Variants in MINDY3 observed in about 807,000 individuals in gnomAD.
MINDY3 encodes MINDY lysine 48 deubiquitinase 3.
A neutral mutation model predicts 69.2 loss-of-function variants in MINDY3; 38 were observed. The ratio of observed to expected loss-of-function variants is 0.55; its 90% confidence interval spans 0.42 to 0.72. MINDY3 has a LOEUF of 0.72. Ranked by LOEUF, MINDY3 falls within the 30% of genes least tolerant of loss-of-function variation. MINDY3 has a pLI of 0.00. For synonymous variants in MINDY3, 192 were observed against 180.1 expected, an observed-to-expected ratio of 1.07 and a Z score of -0.53; for missense variants, 522 against 519.0, an observed-to-expected ratio of 1.01 and a Z score of -0.06.
intron 1 of MINDY3, among the ~76,000 whole-genome samples, chr10:15,848,430 C>T (rs1486706291): frequency 4.0e-5 from 6 of 151,796 alleles, no homozygotes; most frequent in South Asian, 2.1e-4. Context: ...GTCAGGAGAT[C>T]GAGACCATCC....
At chr10:15,812,405 A>G (rs139670458) in intron 10 of MINDY3, among the ~76,000 whole-genome samples, 85 of 152,298 alleles carry the variant, frequency 5.6e-4, no homozygotes, top group African/African-American at 1.9e-3. Context: ...GTTAAATTCA[A>G]TACAGCTTCT....
intron 3 of MINDY3, 55 bp from the exon 4 acceptor site, chr10:15,841,654 C>A: frequency 8.4e-7 from 1 of 1,192,546 alleles, no homozygotes; most frequent in Non-Finnish European, 1.2e-6. Flanking sequence ...AAAAAAAATT[C>A]TGTCATGAAT....
At chr10:15,811,500 T>C (rs566260627) in intron 10 of MINDY3, among the ~76,000 whole-genome samples, 8 of 152,166 alleles carry the variant, frequency 5.3e-5, no homozygotes, top group Non-Finnish European at 7.4e-5. Context: ...GGAAGTGATA[T>C]TCACTTCTAA....
chr10:15,857,364 C>G (rs1191681589), intron 1 of MINDY3, among the ~76,000 whole-genome samples: 1 of 152,114 alleles, frequency 6.6e-6, no homozygotes, highest in African/African-American at 2.4e-5. Flanking sequence ...TCTGTATTTC[C>G]TCATCTTCAA....
chr10:15,847,487 G>A (rs1310145143), intron 2 of MINDY3, among the ~76,000 whole-genome samples: 1 of 152,046 alleles, frequency 6.6e-6, no homozygotes, highest in Non-Finnish European at 1.5e-5. Context: ...TCAGCTTTAG[G>A]AAAGTAACTT....
intron 10 of MINDY3, among the ~76,000 whole-genome samples, chr10:15,797,857 ATT>A (rs1837952854): frequency 1.3e-5 from 2 of 152,118 alleles, no homozygotes; most frequent in South Asian, 4.1e-4. Context: ...TTAGTTGCAG[ATT>A]TCTACATTTA....
chr10:15,779,242 T>C, intron 14 of MINDY3, 101 bp from the exon 15 acceptor site: 1 of 917,884 alleles, frequency 1.1e-6, no homozygotes, highest in East Asian at 2.8e-5. Context: ...AGGTATTACA[T>C]AGTTTCAGAT....
intron 1 of MINDY3, among the ~76,000 whole-genome samples, chr10:15,853,054 A>C (rs1834417919): frequency 6.6e-6 from 1 of 152,118 alleles, no homozygotes; most frequent in South Asian, 2.1e-4. Flanking sequence ...TGGTATCTGC[A>C]GGGGGATCCT....
At chr10:15,816,280 ATGAAAAAG>A (rs376850280) in intron 10 of MINDY3, among the ~76,000 whole-genome samples, 4 of 140,060 alleles carry the variant, frequency 2.9e-5, no homozygotes, top group African/African-American at 1.2e-4. Context: ...AAAAAAAAAA[ATGAAAAAG>A]AAAAAAAATA....
intron 13 of MINDY3, among the ~76,000 whole-genome samples, chr10:15,785,860 G>A (rs1280694095): frequency 6.6e-6 from 1 of 152,052 alleles, no homozygotes; most frequent in African/African-American, 2.4e-5. Context: ...ATAGAAATTG[G>A]AATGTCTATT....
intron 7 of MINDY3, among the ~76,000 whole-genome samples, chr10:15,834,168 A>T (rs907657947): frequency 6.6e-6 from 1 of 151,972 alleles, no homozygotes; most frequent in Non-Finnish European, 1.5e-5. Flanking sequence ...AAAAAGCTTG[A>T]GGAGGGTGGT....
intron 8 of MINDY3, among the ~76,000 whole-genome samples, chr10:15,826,966 G>A (rs1840123194): frequency 6.6e-6 from 1 of 151,710 alleles, no homozygotes; most frequent in South Asian, 2.1e-4. Flanking sequence ...ATATTATCTT[G>A]GGGTGGAGCC....
rs148001216 is a variant in MINDY3 at position 15,810,329 on chromosome 10, C to A, written c.882+6506G>T. Among the ~76,000 whole-genome samples the A allele has an allele frequency of 3.3e-3, 502 of 152,220 alleles. 3 individuals are homozygous for A. The highest frequency in any genetic ancestry group is 0.012 in the African/African-American group (479 of 41,534). ...AAGAGGTTATTTCACTGGACAGAAG[C>A]AATTTTCTTAACCATCCTCAAATCA... On this transcript the variant is annotated intron_variant, in intron 10 of 14. Transcript: ENST00000277632.
intron 8 of MINDY3, among the ~76,000 whole-genome samples, chr10:15,825,308 C>T (rs1205832920): frequency 6.6e-6 from 1 of 152,240 alleles, no homozygotes; most frequent in Non-Finnish European, 1.5e-5. Flanking sequence ...CAAGCATGTA[C>T]TCTACATTTG....
intron 4 of MINDY3, among the ~76,000 whole-genome samples, chr10:15,840,709 C>G (rs990519410): frequency 7.9e-5 from 12 of 151,560 alleles, no homozygotes; most frequent in African/African-American, 2.7e-4. Context: ...CAAGATTATT[C>G]CTGAAAAGCA....
intron 1 of MINDY3, among the ~76,000 whole-genome samples, chr10:15,848,752 T>C (rs762981562): frequency 2.0e-5 from 3 of 151,536 alleles, no homozygotes; most frequent in African/African-American, 7.3e-5. Flanking sequence ...CATTGACTGA[T>C]AGCAGCTAGC....
chr10:15,841,345 AT>A (rs573393713), intron 4 of MINDY3, 80 bp downstream of exon 4: 3 of 1,162,466 alleles, frequency 2.6e-6, no homozygotes, highest in Non-Finnish European at 3.6e-6. Flanking sequence ...ATTTTAAGTA[AT>A]TTTTTCTTCA....
chr10:15,833,121 G>A (rs1290886163), intron 8 of MINDY3, among the ~76,000 whole-genome samples: 3 of 152,164 alleles, frequency 2.0e-5, no homozygotes, highest in East Asian at 1.9e-4. Context: ...GACAACATAC[G>A]AAGCCACAGG....
At chr10:15,787,493 C>G (rs11253647) in intron 12 of MINDY3, among the ~76,000 whole-genome samples, 22,981 of 152,186 alleles carry the variant, frequency 0.15, 4,473 homozygotes, top group African/African-American at 0.45. Context: ...TGGTTCTAGT[C>G]AACCACCTTC....
Sources: gnomAD v4.1 joint callset for allele counts (sites outside exome capture counted in the v4.1 genomes callset) on GRCh38, gnomAD v4.1.1 for gene constraint, MANE v1.5 for transcripts, NCBI Gene and HGNC (gene_info 2026-07-23, HGNC 2026-07-21) for gene names.